DNAH9: variants seen among roughly 807,000 people sequenced by gnomAD.
The protein encoded by DNAH9 is dynein axonemal heavy chain 9.
In DNAH9, 345 loss-of-function variants were observed where a neutral mutation model predicts 471.6. The observed-to-expected ratio is 0.73, with a 90% CI of 0.67 to 0.80. DNAH9 has a LOEUF of 0.80. Ranked by LOEUF, DNAH9 falls within the 30% of genes least tolerant of loss-of-function variation. The pLI, the probability that DNAH9 is intolerant of heterozygous loss-of-function variation, is 0.00. For synonymous variants in DNAH9, 2,093 were observed against 2,123.6 expected (o/e 0.99, Z 0.40); for missense variants, 5,407 against 5,609.2 (o/e 0.96, Z 1.15).
intron 57 of DNAH9, 122 bp from the exon 58 acceptor site, chr17:11,891,655 G>A (rs1041358250): frequency 6.2e-5 from 74 of 1,196,220 alleles, no homozygotes; most frequent in East Asian, 1.9e-4. Context: ...ATGAGCCACC[G>A]TGCCTGGCCT....
chr17:11,888,174 C>T (rs183068123), intron 57 of DNAH9, among the ~76,000 whole-genome samples: 51 of 151,842 alleles, frequency 3.4e-4, no homozygotes, highest in East Asian at 1.4e-3. Context: ...TTAGTAGAGA[C>T]GGGGTTTCAC....
chr17:11,838,495 G>C (rs1970922040), intron 49 of DNAH9, among the ~76,000 whole-genome samples: 1 of 152,170 alleles, frequency 6.6e-6, no homozygotes, highest in South Asian at 2.1e-4. Context: ...GAAGCAGATA[G>C]TATAAAGATA....
At position 11,598,536 on chromosome 17, in the gene DNAH9, AGAACGCGGATGGG is replaced by A. The variant is rs2072307311; in HGVS notation, c.43_55del (p.Ala15ProfsTer16). 4 of 1,347,134 alleles carry A rather than the reference AGAACGCGGATGGG, an allele frequency of 3.0e-6. No homozygotes were observed. Among genetic ancestry groups the A allele is most frequent in the Non-Finnish European group, 3.8e-6 (4 of 1,039,286 alleles). 83.4% of individuals were successfully genotyped at this position (1,347,134 alleles called of 1,614,324 possible). ...GAGGAGCGGGCCGCGCTCGCGGCGG[AGAACGCGGATGGG>A]GAACCCGGCGCCGACCGACGACTGC... On this transcript the variant is annotated frameshift_variant, in exon 1 of 69. Transcript: ENST00000262442. LOFTEE classifies it high-confidence loss of function.
intron 17 of DNAH9, among the ~76,000 whole-genome samples, chr17:11,671,749 C>G (rs540415472): frequency 6.6e-6 from 1 of 152,326 alleles, no homozygotes; most frequent in South Asian, 2.1e-4. Flanking sequence ...GTGAAAGGAT[C>G]AAAAACACAT....
At chr17:11,778,122 C>T (rs1002591256) in intron 38 of DNAH9, among the ~76,000 whole-genome samples, 2 of 151,586 alleles carry the variant, frequency 1.3e-5, no homozygotes, top group African/African-American at 4.8e-5. Flanking sequence ...AGGGAGCAAA[C>T]TGTGCTGGCA....
At chr17:11,875,794 G>A (rs1972453264) in intron 53 of DNAH9, 1 of 152,456 alleles carries the variant, frequency 6.6e-6, no homozygotes, top group Non-Finnish European at 1.5e-5. Context: ...CCAGGCTTCA[G>A]TGGCTTGGGC....
At chr17:11,837,650 T>C (rs1343676424) in intron 49 of DNAH9, among the ~76,000 whole-genome samples, 1 of 152,230 alleles carries the variant, frequency 6.6e-6, no homozygotes, top group Non-Finnish European at 1.5e-5. Flanking sequence ...AGTAATCTTT[T>C]TGTAAAACAG....
chr17:11,749,375 T>A (rs780742420), intron 32 of DNAH9, among the ~76,000 whole-genome samples: 1 of 152,140 alleles, frequency 6.6e-6, no homozygotes, highest in Non-Finnish European at 1.5e-5. Flanking sequence ...TAAGCCACCA[T>A]GATGCCAGGC....
chr17:11,826,704 C>T (rs551032817), intron 48 of DNAH9, among the ~76,000 whole-genome samples: 7 of 151,432 alleles, frequency 4.6e-5, no homozygotes, highest in African/African-American at 1.5e-4. Flanking sequence ...CCTCGTGATC[C>T]GCCCGCCTCG....
At chr17:11,790,706 T>C (rs1969032953) in intron 41 of DNAH9, among the ~76,000 whole-genome samples, 1 of 151,930 alleles carries the variant, frequency 6.6e-6, no homozygotes, top group South Asian at 2.1e-4. Flanking sequence ...ATGCTCTTTT[T>C]AATATATTCT....
chr17:11,879,966 G>A (rs1972649710), intron 53 of DNAH9, 112 bp from the exon 54 acceptor site: 1 of 1,279,280 alleles, frequency 7.8e-7, no homozygotes, highest in Non-Finnish European at 1.1e-6. Context: ...CCAAATAGCT[G>A]TGCCTCCAAC....
chr17:11,906,537 G>T (rs1317195558), intron 61 of DNAH9, among the ~76,000 whole-genome samples: 2 of 150,732 alleles, frequency 1.3e-5, no homozygotes, highest in East Asian at 3.9e-4. Flanking sequence ...TGAGGCAGGA[G>T]AATCGCTGGA....
intron 57 of DNAH9, among the ~76,000 whole-genome samples, chr17:11,891,104 T>A (rs1973036431): frequency 6.6e-6 from 1 of 152,230 alleles, no homozygotes; most frequent in Non-Finnish European, 1.5e-5. Flanking sequence ...GAAAACTGAT[T>A]CACATGATTT....
intron 41 of DNAH9, among the ~76,000 whole-genome samples, chr17:11,789,216 A>G (rs949942995): frequency 1.8e-4 from 28 of 152,038 alleles, no homozygotes; most frequent in African/African-American, 6.5e-4. Context: ...AAGTCCTCAT[A>G]AAATACTTTG....
At chr17:11,946,045 C>G (rs1489973674) in intron 67 of DNAH9, among the ~76,000 whole-genome samples, 1 of 151,298 alleles carries the variant, frequency 6.6e-6, no homozygotes, top group Non-Finnish European at 1.5e-5. Flanking sequence ...CTAAAAAATA[C>G]AAAAATTAGC....
intron 45 of DNAH9, among the ~76,000 whole-genome samples, chr17:11,813,951 G>C (rs1970007436): frequency 6.6e-6 from 1 of 152,180 alleles, no homozygotes; most frequent in South Asian, 2.1e-4. Flanking sequence ...GGCTGCCCAG[G>C]GTAAGAGCAG....
rs1309655385 is a variant in DNAH9 at position 11,752,920 on chromosome 17, T to G, written c.6698T>G (p.Met2233Arg). 6.2e-7 allele frequency: 1 copy of G among 1,607,094 alleles called. No homozygotes were observed. Among genetic ancestry groups the G allele is most frequent in the Non-Finnish European group, 8.5e-7 (1 of 1,176,228 alleles). Residue 2233 changes from methionine to arginine, a missense_variant, in exon 33 of 69, where the codon ATG becomes AGG. Met to Arg is a moderately conservative substitution (Grantham distance 91). This residue lies in a region of DNAH9 where 4,636 missense variants were observed against 4,900.3 expected (regional missense o/e 0.95). Coordinates refer to ENST00000262442, the MANE Select transcript of DNAH9 (RefSeq NM_001372.4). The part of the protein sequence containing the change: ...WILLDGDIDP[M>R]WIESLNTVMD... ...TTACTGGATGGCGACATAGATCCAA[T>G]GTGGATTGAATCCCTGAATACTGTC...
At chr17:11,931,047 G>A (rs528736153) in intron 63 of DNAH9, among the ~76,000 whole-genome samples, 4 of 152,292 alleles carry the variant, frequency 2.6e-5, no homozygotes, top group East Asian at 3.9e-4. Flanking sequence ...CAAAGTCTGC[G>A]GCCCAGGCCT....
intron 43 of DNAH9, among the ~76,000 whole-genome samples, chr17:11,800,828 C>T (rs1256853328): frequency 3.3e-5 from 5 of 152,120 alleles, no homozygotes; most frequent in African/African-American, 4.8e-5. Flanking sequence ...GGATAAGTGC[C>T]GGGATCCTAA....
Sources: allele counts gnomAD v4.1 joint callset (sites outside exome capture counted in the v4.1 genomes callset), GRCh38; gene constraint gnomAD v4.1.1; regional missense constraint gnomAD v4.1.1; transcripts MANE v1.5; gene names NCBI Gene and HGNC (gene_info 2026-07-23, HGNC 2026-07-21).